Variants in SCHIP1 observed in about 807,000 individuals in gnomAD.
SCHIP1 encodes the protein schwannomin interacting protein 1.
Under a neutral mutation model 29.7 loss-of-function variants are expected in SCHIP1, and 8 were observed. The observed-to-expected ratio is 0.27, with a 90% CI of 0.16 to 0.49. The LOEUF is 0.49. Among genes scored for constraint, SCHIP1 ranks in the 20% least tolerant of loss-of-function variants. The pLI is 0.99. For missense variants in SCHIP1, 193 were observed against 294.6 expected, an observed-to-expected ratio of 0.66 and a Z score of 2.52; for synonymous variants, 76 against 94.9, an observed-to-expected ratio of 0.80 and a Z score of 1.16.
the SCHIP1 span, among the ~76,000 whole-genome samples, chr3:159,708,711 C>T: frequency 6.6e-5 from 10 of 152,112 alleles, no homozygotes; most frequent in African/African-American, 1.9e-4. Context: ...TGGTGACGTA[C>T]GCAGGAACTA....
the SCHIP1 span, among the ~76,000 whole-genome samples, chr3:159,832,654 G>A: frequency 3.3e-5 from 5 of 152,078 alleles, no homozygotes; most frequent in Admixed American, 6.5e-5. Context: ...TTTCTCCTCC[G>A]CGTCCCTGCA....
chr3:159,344,751 ACTAAAAG>A, the SCHIP1 span, among the ~76,000 whole-genome samples: 1 of 152,232 alleles, frequency 6.6e-6, no homozygotes, highest in Non-Finnish European at 1.5e-5. Context: ...AAGTTCATTA[ACTAAAAG>A]CTAAGAAAGT....
chr3:159,318,680 T>C, the SCHIP1 span, among the ~76,000 whole-genome samples: 3 of 151,950 alleles, frequency 2.0e-5, no homozygotes, highest in Non-Finnish European at 4.4e-5. Context: ...GTGGCAGGAG[T>C]GGAGACCATG....
chr3:159,791,355 A>G, the SCHIP1 span, among the ~76,000 whole-genome samples: 2 of 152,276 alleles, frequency 1.3e-5, no homozygotes, highest in Non-Finnish European at 2.9e-5. Context: ...CACAGAGACT[A>G]GTAACGGCAA....
At chr3:159,350,985 T>C in the SCHIP1 span, among the ~76,000 whole-genome samples, 1 of 152,264 alleles carries the variant, frequency 6.6e-6, no homozygotes, top group South Asian at 2.1e-4. Flanking sequence ...TAAGAGGAAT[T>C]ACCTAATATA....
chr3:159,709,848 G>A, the SCHIP1 span, among the ~76,000 whole-genome samples: 1 of 152,124 alleles, frequency 6.6e-6, no homozygotes, highest in East Asian at 1.9e-4. Context: ...TCTCCATCTT[G>A]TTACAAGAAG....
At chr3:159,400,870 T>C in the SCHIP1 span, among the ~76,000 whole-genome samples, 1 of 152,208 alleles carries the variant, frequency 6.6e-6, no homozygotes, top group Non-Finnish European at 1.5e-5. Flanking sequence ...TAGCAGGCTC[T>C]AGACTTCCAG....
the SCHIP1 span, among the ~76,000 whole-genome samples, chr3:159,738,644 C>A: frequency 6.6e-6 from 1 of 152,154 alleles, no homozygotes; most frequent in Admixed American, 6.5e-5. Context: ...AAAAATGTAT[C>A]CCCAGGCAAT....
At chr3:159,294,615 A>G in the SCHIP1 span, among the ~76,000 whole-genome samples, 6 of 152,200 alleles carry the variant, frequency 3.9e-5, no homozygotes, top group African/African-American at 1.2e-4. Flanking sequence ...AAATTATTCA[A>G]ATTCTACCAA....
the SCHIP1 span, among the ~76,000 whole-genome samples, chr3:159,423,329 C>G: frequency 6.6e-6 from 1 of 152,220 alleles, no homozygotes; most frequent in Non-Finnish European, 1.5e-5. Context: ...CAGACGGCAC[C>G]TGGAAAATCG....
At chr3:159,408,795 G>A in the SCHIP1 span, among the ~76,000 whole-genome samples, 1 of 152,140 alleles carries the variant, frequency 6.6e-6, no homozygotes, top group Admixed American at 6.5e-5. Context: ...AATAAAGTCA[G>A]TATTATCCTG....
the SCHIP1 span, among the ~76,000 whole-genome samples, chr3:159,560,583 CA>C: frequency 2.0e-5 from 3 of 152,176 alleles, no homozygotes; most frequent in Non-Finnish European, 4.4e-5. Context: ...AAGTCCCCTA[CA>C]GCCCCTCCCC....
the SCHIP1 span, among the ~76,000 whole-genome samples, chr3:159,573,847 A>G: frequency 6.6e-6 from 1 of 151,786 alleles, no homozygotes; most frequent in East Asian, 1.9e-4. Context: ...TTCTCACTTT[A>G]TTTCATTAAT....
chr3:159,358,478 C>G, the SCHIP1 span, among the ~76,000 whole-genome samples: 1 of 152,170 alleles, frequency 6.6e-6, no homozygotes, highest in Non-Finnish European at 1.5e-5. Flanking sequence ...ATGGCCTCAC[C>G]TGTTGGGAGA....
chr3:159,494,138 C>A, the SCHIP1 span, among the ~76,000 whole-genome samples: 2 of 152,104 alleles, frequency 1.3e-5, no homozygotes, highest in Non-Finnish European at 2.9e-5. Context: ...TAAATGCCCA[C>A]AAGAGAAAGC....
At chr3:159,335,741 C>T in the SCHIP1 span, among the ~76,000 whole-genome samples, 1 of 152,138 alleles carries the variant, frequency 6.6e-6, no homozygotes, top group Non-Finnish European at 1.5e-5. Flanking sequence ...TCCAGTCTAT[C>T]CTTGTTGGAA....
At chr3:159,894,914 C>T (rs1381345078) in intron 6 of SCHIP1, among the ~76,000 whole-genome samples, 2 of 152,102 alleles carry the variant, frequency 1.3e-5, no homozygotes, top group Non-Finnish European at 2.9e-5. Context: ...AAGTTGTGTG[C>T]CATCTGCTCT....
At chr3:159,481,361 A>G in the SCHIP1 span, among the ~76,000 whole-genome samples, 1 of 152,200 alleles carries the variant, frequency 6.6e-6, no homozygotes, top group Admixed American at 6.5e-5. Flanking sequence ...TACAGCTCTG[A>G]AGAGATCACT....
the SCHIP1 span, among the ~76,000 whole-genome samples, chr3:159,758,220 T>C: frequency 6.6e-6 from 1 of 152,208 alleles, no homozygotes; most frequent in Admixed American, 6.5e-5. Flanking sequence ...TGGCGCAATC[T>C]TGGCTCACTG....
Sources: allele counts gnomAD v4.1 joint callset (sites outside exome capture counted in the v4.1 genomes callset), GRCh38; gene constraint gnomAD v4.1.1; transcripts MANE v1.5; gene names NCBI Gene and HGNC (gene_info 2026-07-23, HGNC 2026-07-21).